The following STX3 variants were observed in gnomAD, a reference collection of about 807,000 sequenced individuals.
STX3 encodes the protein syntaxin-3.
Under a neutral mutation model 40.2 loss-of-function variants are expected in STX3, and 19 were observed. The ratio of observed to expected loss-of-function variants is 0.47; its 90% CI spans 0.33 to 0.69. The LOEUF (loss-of-function observed/expected upper bound fraction) is 0.69. Ranked by LOEUF, STX3 falls within the 30% of genes least tolerant of loss-of-function variation. The pLI is 0.02. For missense variants in STX3, 364 were observed against 366.7 expected, an observed-to-expected ratio of 0.99 and a Z score of 0.06; for synonymous variants, 122 against 132.2, an observed-to-expected ratio of 0.92 and a Z score of 0.53.
At chr11:59,777,754 T>A (rs183342356) in intron 2 of STX3, among the ~76,000 whole-genome samples, 1 of 152,232 alleles carries the variant, frequency 6.6e-6, no homozygotes, top group Non-Finnish European at 1.5e-5. Context: ...TTATCTATTG[T>A]TATATCACAG....
Position 59,794,203 on chromosome 11 carries a change from G to A in STX3, c.675+689G>A, listed in dbSNP as rs530485987. On this transcript the variant is annotated intron_variant, in intron 8 of 10. Transcript: ENST00000337979. ...ATTGACAGAAAGACTCGAAACACTCGTGGTGCTAGTTTGACAGCTTACTTT... is the reference window on the plus strand; with the variant it reads ...ATTGACAGAAAGACTCGAAACACTCATGGTGCTAGTTTGACAGCTTACTTT... 8.5e-5 allele frequency among the ~76,000 whole-genome samples: 13 copies of A among 152,184 alleles called. No individual in the cohort carries two copies. In the South Asian group the frequency reaches 1.7e-3, roughly 19 times the overall value.
chr11:59,798,583 G>A (rs991493960), intron 10 of STX3, among the ~76,000 whole-genome samples: 8 of 151,504 alleles, frequency 5.3e-5, no homozygotes, highest in Non-Finnish European at 1.0e-4. Context: ...GCAGTGGCGC[G>A]ATCTCAGCTC....
chr11:59,760,455 G>A (rs1331181165), intron 1 of STX3, among the ~76,000 whole-genome samples: 2 of 151,560 alleles, frequency 1.3e-5, no homozygotes, highest in African/African-American at 4.8e-5. Context: ...AATTACCATG[G>A]AGTGGGTTTG....
In STX3 at chr11:59,766,646, C is replaced by G. The variant is rs547338866; in HGVS notation, c.31-6565C>G. ...GCTTAATGGAAACAAATGTTGTCCC[C>G]AAAGGGCCACAGCTCCACTTTCTCA... is the stretch of plus-strand genomic sequence containing the variant. On this transcript the variant is annotated intron_variant, in intron 1 of 10. Transcript: ENST00000337979. Among the ~76,000 whole-genome samples, 16 of 152,308 alleles carry G rather than the reference C, an allele frequency of 1.1e-4. No homozygotes were observed. The South Asian group carries it at 2.9e-3, about 28-fold the overall frequency.
chr11:59,794,073 T>A (rs1865373791), intron 8 of STX3, among the ~76,000 whole-genome samples: 1 of 152,158 alleles, frequency 6.6e-6, no homozygotes, highest in African/African-American at 2.4e-5. Flanking sequence ...ACATAAATTT[T>A]TATTTTTTTC....
At chr11:59,768,784 G>A (rs1465873444) in intron 1 of STX3, among the ~76,000 whole-genome samples, 1 of 152,014 alleles carries the variant, frequency 6.6e-6, no homozygotes, top group African/African-American at 2.4e-5. Flanking sequence ...AATGGAGGTG[G>A]GTATGGGCAG....
In STX3 at chr11:59,791,255, C is replaced by T. The variant is rs146382768; in HGVS notation, c.357+669C>T. Among the ~76,000 whole-genome samples the T allele has an allele frequency of 3.7e-3, 564 of 152,200 alleles. 4 individuals are homozygous for T. The highest frequency in any genetic ancestry group is 0.013 in the African/African-American group (537 of 41,522). Reference sequence around the variant, plus strand: ...GTGGTGGGTAGACGTAAGGGGCAGACGTGAAGACAATAGGCTTTCTGTAGA... The same window carrying T: ...GTGGTGGGTAGACGTAAGGGGCAGATGTGAAGACAATAGGCTTTCTGTAGA... On this transcript the variant is annotated intron_variant, in intron 5 of 10. Transcript: ENST00000337979.
At position 59,801,114 on chromosome 11, in the gene STX3, C is replaced by T. The variant is rs949427596; in HGVS notation, c.*290C>T. The T allele has an allele frequency of 7.2e-7, 1 of 1,385,478 alleles. No individual in the cohort carries two copies. The highest frequency in any genetic ancestry group is 9.3e-7 in the Non-Finnish European group (1 of 1,069,604). 85.8% of individuals were successfully genotyped at this position (1,385,478 alleles called of 1,614,324 possible). ...CTGTGTGGACCCACCCAGCTTTCTT[C>T]CTCCCTGTTGTGTGTCAGATTATGC... is the stretch of plus-strand genomic sequence containing the variant. On this transcript the variant is annotated 3_prime_UTR_variant, in exon 11 of 11. Transcript: ENST00000337979.
rs537103280 is a variant in STX3 at position 59,760,282 on chromosome 11, T to C, written c.30+4647T>C. Among the ~76,000 whole-genome samples the C allele has an allele frequency of 1.6e-3, 237 of 152,278 alleles. 2 individuals carry two copies. Among genetic ancestry groups the C allele is most frequent in the Non-Finnish European group, 2.0e-3 (133 of 68,010 alleles). ...TCCAAAGCTTCCTCCCTGCCTTTTGTCAAAATTTCTACCCATCTTCCAAAA... is the reference window on the plus strand; with the variant it reads ...TCCAAAGCTTCCTCCCTGCCTTTTGCCAAAATTTCTACCCATCTTCCAAAA... On this transcript the variant is annotated intron_variant, in intron 1 of 10. Coordinates refer to ENST00000337979, the MANE Select transcript of STX3 (RefSeq NM_004177.5).
chr11:59,792,289 C>G, intron 6 of STX3, 74 bp downstream of exon 6: 1 of 1,292,624 alleles, frequency 7.7e-7, no homozygotes. Context: ...TTTTGAGGCC[C>G]TGGTGGAGCA....
At chr11:59,789,216 G>T in intron 4 of STX3, 1 of 292,016 alleles carries the variant, frequency 3.4e-6, no homozygotes, top group Non-Finnish European at 6.5e-6. Context: ...GTAGTTTTGT[G>T]ACTTGGTCCT....
At position 59,794,439 on chromosome 11, in the gene STX3, T is replaced by A. The variant is rs575129695; in HGVS notation, c.675+925T>A. ...TAGTAGGCAGACTGCACAACCTAGT[T>A]GAAGCTCGAGCACAGCTTGACTAGT... On this transcript the variant is annotated intron_variant, in intron 8 of 10. Coordinates refer to ENST00000337979, the MANE Select transcript of STX3 (RefSeq NM_004177.5). 1.1e-4 allele frequency among the ~76,000 whole-genome samples: 17 copies of A among 152,304 alleles called. No homozygotes were observed. In the East Asian group the frequency reaches 3.1e-3, roughly 28 times the overall value.
intron 2 of STX3, among the ~76,000 whole-genome samples, chr11:59,773,524 A>T (rs1863775653): frequency 6.6e-6 from 1 of 152,238 alleles, no homozygotes; most frequent in South Asian, 2.1e-4. Context: ...TATGTAATTG[A>T]AGAGATGCTT....
At chr11:59,790,624 T>C in intron 5 of STX3, 38 bp downstream of exon 5, 1 of 1,491,062 alleles carries the variant, frequency 6.7e-7, no homozygotes, top group Non-Finnish European at 9.4e-7. Flanking sequence ...GCTAGTCCAA[T>C]CTCTTATTGT....
intron 8 of STX3, among the ~76,000 whole-genome samples, chr11:59,793,783 G>A (rs1865351452): frequency 6.6e-6 from 1 of 151,706 alleles, no homozygotes; most frequent in Non-Finnish European, 1.5e-5. Flanking sequence ...GTTCTGTCAA[G>A]TACCCAGTTT....
chr11:59,764,851 A>G (rs1863205552), intron 1 of STX3, among the ~76,000 whole-genome samples: 1 of 151,688 alleles, frequency 6.6e-6, no homozygotes, highest in South Asian at 2.1e-4. Context: ...TGAAACCACA[A>G]AAGTGCCTGC....
At chr11:59,757,339 G>C (rs1231747315) in intron 1 of STX3, among the ~76,000 whole-genome samples, 1 of 152,132 alleles carries the variant, frequency 6.6e-6, no homozygotes, top group Non-Finnish European at 1.5e-5. Context: ...CCATAAAAAA[G>C]TACAAAACTG....
chr11:59,805,757 T>A lies in STX3; in HGVS notation c.*4933T>A, dbSNP rs970602133. On this transcript the variant is annotated 3_prime_UTR_variant, in exon 11 of 11. Coordinates refer to ENST00000337979, the MANE Select transcript of STX3 (RefSeq NM_004177.5). Reference sequence around the variant, plus strand: ...CAGAAAAGGCCACGCAGTTCTAACTTTTGTCATCGGTTCCTTTTGCTAAAA... The same window carrying A: ...CAGAAAAGGCCACGCAGTTCTAACTATTGTCATCGGTTCCTTTTGCTAAAA... 1 of 152,660 alleles carries A rather than the reference T, an allele frequency of 6.6e-6. No individual in the cohort carries two copies. The highest frequency in any genetic ancestry group is 1.5e-5 in the Non-Finnish European group (1 of 68,384). 9.5% of individuals were successfully genotyped at this position (152,660 alleles called of 1,614,324 possible). A position where few individuals can be genotyped will look rare whatever the true frequency, so the allele number is the denominator to read the frequency against.
chr11:59,786,918 C>G lies in STX3; in HGVS notation c.115-119C>G, dbSNP rs181995753. The G allele has an allele frequency of 2.8e-5, 22 of 788,832 alleles. No homozygotes were observed. In the African/African-American group the frequency reaches 3.5e-4, roughly 12 times the overall value. The allele number at this position is 788,832 out of a possible 1,614,324, so 48.9% of individuals were successfully genotyped here. On this transcript the variant is annotated intron_variant, in intron 2 of 10. Coordinates refer to ENST00000337979, the MANE Select transcript of STX3 (RefSeq NM_004177.5). The stretch of plus-strand genomic sequence containing the variant: ...GCAGCTGAGGACTTTAAGTCATTAT[C>G]TTCTTCCACAAACCCAGAAGATGGG...
Sources: gnomAD v4.1 joint callset for allele counts (sites outside exome capture counted in the v4.1 genomes callset) on GRCh38, gnomAD v4.1.1 for gene constraint, MANE v1.5 for transcripts, NCBI Gene and HGNC (gene_info 2026-07-23, HGNC 2026-07-21) for gene names.